TMEM256: variants seen among roughly 807,000 people sequenced by gnomAD.
TMEM256 encodes the protein transmembrane protein 256, also known as UPF0451 protein C17orf61.
TMEM256 carries 14 observed loss-of-function variants against 14.8 expected under a neutral mutation model. That is an observed-to-expected ratio of 0.95 (90% CI 0.63 to 1.48). The LOEUF is 1.48. Ranked by LOEUF, TMEM256 falls within the 40% of genes most tolerant of loss-of-function variation. TMEM256 has a pLI of 0.00. For missense variants in TMEM256, 146 were observed against 137.9 expected (o/e 1.06, Z -0.30); for synonymous variants, 68 against 60.7 (o/e 1.12, Z -0.56).
chr17:7,403,491 G>T, intron 2 of TMEM256, 101 bp from the exon 3 acceptor site: 3 of 1,482,576 alleles, frequency 2.0e-6, no homozygotes, highest in South Asian at 2.3e-5. Context: ...CCCCACCCTT[G>T]AAGTCCCAGC....
intron 1 of TMEM256, 90 bp from the exon 2 acceptor site, chr17:7,403,779 AG>A: frequency 7.7e-7 from 1 of 1,306,712 alleles, no homozygotes; most frequent in Non-Finnish European, 1.0e-6. Flanking sequence ...TTGGCGAGAA[AG>A]GGCACCCCCC....
intron 1 of TMEM256, 95 bp from the exon 2 acceptor site, chr17:7,403,784 A>ACCCCCCAGGGCACC: frequency 9.7e-7 from 1 of 1,027,258 alleles, no homozygotes; most frequent in South Asian, 1.5e-5. Flanking sequence ...GAGAAAGGGC[A>ACCCCCCAGGGCACC]CCCCCCCCCC....
chr17:7,404,025 T>G lies in TMEM256; in HGVS notation c.60A>C (p.Leu20Phe). 3 of 1,602,006 alleles carry G rather than the reference T, an allele frequency of 1.9e-6. No individual in the cohort carries two copies. The highest frequency in any genetic ancestry group is 2.6e-6 in the Non-Finnish European group (3 of 1,174,346). The change falls in exon 1 of 4, where the codon TTA (leucine) becomes TTC (phenylalanine). Residue 20 changes from leucine to phenylalanine, a missense_variant. By Grantham distance (22) the Leu-to-Phe change is conservative (BLOSUM62 0). Transcript: ENST00000302422. ...CGTGCGCCCCGTAGGAAGCGAAGCC[T>G]AAGGCCGCAGCTCCGGACAAGGCGC... is the stretch of plus-strand genomic sequence containing the variant. Reference protein sequence around the residue: ...RLGALSGAAALGFASYGAHGA... With the variant: ...RLGALSGAAAFGFASYGAHGA...
chr17:7,403,487 C>T, intron 2 of TMEM256, 97 bp from the exon 3 acceptor site: 1 of 1,491,218 alleles, frequency 6.7e-7, no homozygotes, highest in Non-Finnish European at 9.3e-7. Flanking sequence ...CCCACCCCAC[C>T]CTTGAAGTCC....
At chr17:7,403,503 T>G in intron 2 of TMEM256, 113 bp from the exon 3 acceptor site, 1 of 1,498,048 alleles carries the variant, frequency 6.7e-7, no homozygotes, top group Admixed American at 1.7e-5. Flanking sequence ...AGTCCCAGCT[T>G]GATCCCAGGC....
chr17:7,403,832 G>T, intron 1 of TMEM256, 143 bp from the exon 2 acceptor site: 1 of 1,231,444 alleles, frequency 8.1e-7, no homozygotes, highest in Non-Finnish European at 1.1e-6. Context: ...AACACGCTCG[G>T]GCAGTACTGG....
Position 7,404,002 on chromosome 17 carries a change from T to C in TMEM256, c.83A>G (p.His28Arg), listed in dbSNP as rs780960751. ...AALGFASYGAHGAQFPDAYGK... is the reference protein window; with the variant it reads ...AALGFASYGARGAQFPDAYGK... The stretch of plus-strand genomic sequence containing the variant: ...ATCTTCGTCCCCAGCCCCCTGACCG[T>C]GCGCCCCGTAGGAAGCGAAGCCTAA... Residue 28 changes from histidine (H) to arginine (R), a missense_variant and splice_region_variant, in exon 1 of 4, where the codon CAC (histidine) becomes CGC (arginine). Physicochemically the swap from His to Arg is conservative, Grantham distance 29. Transcript: ENST00000302422. 2 of 1,591,526 alleles carry C rather than the reference T, an allele frequency of 1.3e-6. No individual in the cohort carries two copies. The highest frequency in any genetic ancestry group is 1.7e-6 in the Non-Finnish European group (2 of 1,168,694).
chr17:7,404,030 C>T lies in TMEM256; in HGVS notation c.55G>A (p.Ala19Thr). 1 of 1,602,224 alleles carries T rather than the reference C, an allele frequency of 6.2e-7. No homozygotes were observed. The highest frequency in any genetic ancestry group is 8.5e-7 in the Non-Finnish European group (1 of 1,174,426). Reference sequence around the variant, plus strand: ...GCCCCGTAGGAAGCGAAGCCTAAGGCCGCAGCTCCGGACAAGGCGCCCAAG... The same window carrying T: ...GCCCCGTAGGAAGCGAAGCCTAAGGTCGCAGCTCCGGACAAGGCGCCCAAG... The part of the protein sequence containing the change: ...RRLGALSGAA[A>T]LGFASYGAHG... The change falls in exon 1 of 4, where the codon GCC becomes ACC. Residue 19 changes from alanine to threonine, a missense_variant. Transcript: ENST00000302422.
Position 7,403,007 on chromosome 17 carries a change from A to C in TMEM256, c.*59T>G. The C allele has an allele frequency of 2.6e-6, 4 of 1,551,828 alleles. No individual in the cohort carries two copies. Among genetic ancestry groups the C allele is most frequent in the African/African-American group, 1.4e-5 (1 of 71,584 alleles). On this transcript the variant is annotated 3_prime_UTR_variant, in exon 4 of 4. Coordinates refer to ENST00000302422, the MANE Select transcript of TMEM256 (RefSeq NM_152766.5). ...GCCTTTCCTTTTTAATCCTCTTCTT[A>C]CTCCAACTCTTTAAAAAAAAAACTG... is the stretch of plus-strand genomic sequence containing the variant.
intron 3 of TMEM256, 25 bp from the exon 4 acceptor site, chr17:7,403,234 C>G (rs1208835787): frequency 1.2e-6 from 2 of 1,614,132 alleles, no homozygotes; most frequent in South Asian, 1.1e-5. Flanking sequence ...GCACAGAAAA[C>G]AGGATTGTTA....
intron 1 of TMEM256, 66 bp from the exon 2 acceptor site, chr17:7,403,755 G>A (rs71370494): frequency 6.3e-7 from 1 of 1,574,888 alleles, no homozygotes. Context: ...AATCCGGGGG[G>A]ACCCAGGTGG....
intron 2 of TMEM256, 106 bp downstream of exon 2, chr17:7,403,552 G>C: frequency 6.4e-7 from 1 of 1,551,550 alleles, no homozygotes; most frequent in Non-Finnish European, 8.8e-7. Context: ...CTGCTCCAGA[G>C]ATCCGCGGCT....
chr17:7,404,043 C>T lies in TMEM256; in HGVS notation c.42G>A (p.Leu14=), dbSNP rs1419708273. 1.2e-6 allele frequency: 2 copies of T among 1,601,980 alleles called. No individual in the cohort carries two copies. Among genetic ancestry groups the T allele is most frequent in the Non-Finnish European group, 1.7e-6 (2 of 1,174,318 alleles). Reference sequence around the variant, plus strand: ...CGAAGCCTAAGGCCGCAGCTCCGGACAAGGCGCCCAAGCGGCGGAAAGCTG... The same window carrying T: ...CGAAGCCTAAGGCCGCAGCTCCGGATAAGGCGCCCAAGCGGCGGAAAGCTG... ...PAAAFRRLGA[L]SGAAALGFAS... Residue 14 remains leucine, a synonymous_variant, in exon 1 of 4, where the codon TTG becomes TTA. Transcript: ENST00000302422.
rs1405186707 is a variant in TMEM256 at position 7,403,106 on chromosome 17, C to G, written c.302G>C (p.Gly101Ala). 1.2e-6 allele frequency: 2 copies of G among 1,614,006 alleles called. No homozygotes were observed. The highest frequency in any genetic ancestry group is 8.5e-7 in the Non-Finnish European group (1 of 1,179,980). The change falls in exon 4 of 4, where the codon GGG (glycine) becomes GCG (alanine). Residue 101 changes from glycine (G) to alanine (A), a missense_variant. Transcript: ENST00000302422. The part of the protein sequence containing the change: ...PSIQTLAPAG[G>A]TLLLLGWLAL... ...AAGCCAGCCCAAGAGTAGCAGGGTCCCTCCCGCAGGGGCCAAAGTCTGGAT... is the reference window on the plus strand; with the variant it reads ...AAGCCAGCCCAAGAGTAGCAGGGTCGCTCCCGCAGGGGCCAAAGTCTGGAT...
At position 7,403,188 on chromosome 17, in the gene TMEM256, C is replaced by G. The variant is rs1567656288; in HGVS notation, c.220G>C (p.Gly74Arg). ...AAGCTGGTGCAGAATAAGGTCGTTCCGGAAGCTAGCAATAACCCAGCCTGA... is the reference window on the plus strand; with the variant it reads ...AAGCTGGTGCAGAATAAGGTCGTTCGGGAAGCTAGCAATAACCCAGCCTGA... The part of the protein sequence containing the change: ...PLWAGLLLAS[G>R]TTLFCTSFYY... Residue 74 changes from glycine to arginine, a missense_variant, in exon 4 of 4, where the codon GGA becomes CGA. Coordinates refer to ENST00000302422, the MANE Select transcript of TMEM256 (RefSeq NM_152766.5). The G allele has an allele frequency of 6.2e-7, 1 of 1,614,076 alleles. No individual in the cohort carries two copies.
At chr17:7,403,500 G>A in intron 2 of TMEM256, 110 bp from the exon 3 acceptor site, 1 of 1,493,248 alleles carries the variant, frequency 6.7e-7, no homozygotes, top group Non-Finnish European at 9.3e-7. Context: ...TGAAGTCCCA[G>A]CTTGATCCCA....
At position 7,403,019 on chromosome 17, in the gene TMEM256, T is replaced by G. The variant is rs1301205069; in HGVS notation, c.*47A>C. The G allele has an allele frequency of 7.9e-7, 1 of 1,262,740 alleles. No individual in the cohort carries two copies. 78.2% of individuals were successfully genotyped at this position (1,262,740 alleles called of 1,614,324 possible). ...TAATCCTCTTCTTACTCCAACTCTT[T>G]AAAAAAAAAACTGCCCAGAAAACCC... On this transcript the variant is annotated 3_prime_UTR_variant, in exon 4 of 4. Coordinates refer to ENST00000302422, the MANE Select transcript of TMEM256 (RefSeq NM_152766.5).
intron 2 of TMEM256, 41 bp downstream of exon 2, chr17:7,403,617 G>A (rs1213431128): frequency 6.2e-7 from 1 of 1,613,130 alleles, no homozygotes; most frequent in Non-Finnish European, 8.5e-7. Context: ...TTGTGCCTTC[G>A]TAGACCCACG....
Position 7,403,079 on chromosome 17 carries a change from G to C in TMEM256, c.329C>G (p.Ala110Gly). ...GGTLLLLGWL[A>G]LAL ...GCAAAAGGGAGCTCAAAGAGCCAAG[G>C]CAAGCCAGCCCAAGAGTAGCAGGGT... The change falls in exon 4 of 4, where the codon GCC (alanine) becomes GGC (glycine). Residue 110 changes from alanine (A) to glycine (G), a missense_variant. By Grantham distance (60) the Ala-to-Gly change is moderately conservative. Coordinates refer to ENST00000302422, the MANE Select transcript of TMEM256 (RefSeq NM_152766.5). 6.2e-7 allele frequency: 1 copy of C among 1,611,612 alleles called. No individual in the cohort carries two copies. Among genetic ancestry groups the C allele is most frequent in the Non-Finnish European group, 8.5e-7 (1 of 1,179,098 alleles).
Sources: allele counts gnomAD v4.1 joint callset, GRCh38; gene constraint gnomAD v4.1.1; transcripts MANE v1.5; gene names NCBI Gene and HGNC (gene_info 2026-07-23, HGNC 2026-07-21).